The following GFRA1 variants were observed in gnomAD, a reference collection of about 807,000 sequenced individuals.
GFRA1 encodes GDNF family receptor alpha-1.
Under a neutral mutation model 51.6 loss-of-function variants are expected in GFRA1, and 16 were observed. The observed-to-expected ratio is 0.31, with a 90% CI of 0.21 to 0.47. GFRA1 has a LOEUF of 0.47. Among genes scored for constraint, GFRA1 ranks in the 20% least tolerant of loss-of-function variants. The pLI is 1.00. For missense variants in GFRA1, 530 were observed against 594.3 expected, an observed-to-expected ratio of 0.89 and a Z score of 1.13; for synonymous variants, 270 against 241.3, an observed-to-expected ratio of 1.12 and a Z score of -1.10.
In GFRA1 at chr10:116,128,816, C is replaced by T. The variant is rs74158593; in HGVS notation, c.434-3259G>A. ...TTTAAAGTTGTTAAAACTACATATG[C>T]TGTTAAGGTTTTCCTCTTAATGTTA... is the stretch of plus-strand genomic sequence containing the variant. On this transcript the variant is annotated intron_variant, in intron 5 of 10. Transcript: ENST00000355422. Among the ~76,000 whole-genome samples the T allele has an allele frequency of 1.7e-3, 249 of 150,614 alleles. 1 individual carries two copies. Among genetic ancestry groups the T allele is most frequent in the African/African-American group, 5.4e-3 (221 of 40,904 alleles).
chr10:116,072,552 G>A (rs1955447176), intron 9 of GFRA1, among the ~76,000 whole-genome samples: 2 of 152,116 alleles, frequency 1.3e-5, no homozygotes, highest in Admixed American at 6.5e-5. Flanking sequence ...ATGAGGTCAG[G>A]AGTTCGAGAC....
At chr10:116,230,634 T>C (rs1966618594) in intron 4 of GFRA1, among the ~76,000 whole-genome samples, 1 of 151,978 alleles carries the variant, frequency 6.6e-6, no homozygotes, top group Non-Finnish European at 1.5e-5. Flanking sequence ...AAAGTATTTA[T>C]TGAGCAACTG....
chr10:116,206,380 G>T (rs956362983), intron 5 of GFRA1, among the ~76,000 whole-genome samples: 1 of 152,102 alleles, frequency 6.6e-6, no homozygotes, highest in Non-Finnish European at 1.5e-5. Flanking sequence ...CCATAAGTTT[G>T]AAATACGCAA....
chr10:116,126,811 G>A (rs933201090), intron 5 of GFRA1, among the ~76,000 whole-genome samples: 1 of 152,342 alleles, frequency 6.6e-6, no homozygotes, highest in Admixed American at 6.5e-5. Context: ...AAAGGCTAAA[G>A]AAGTGACAAG....
chr10:116,258,951 T>C (rs1394595589), intron 4 of GFRA1, among the ~76,000 whole-genome samples: 1 of 152,206 alleles, frequency 6.6e-6, no homozygotes, highest in African/African-American at 2.4e-5. Flanking sequence ...AAATGCCACT[T>C]GCCATTCCCA....
At chr10:116,169,995 C>T (rs549104089) in intron 5 of GFRA1, among the ~76,000 whole-genome samples, 50 of 152,242 alleles carry the variant, frequency 3.3e-4, no homozygotes, top group African/African-American at 8.9e-4. Context: ...CAAAGGCACT[C>T]GCCCCAGCTC....
intron 6 of GFRA1, among the ~76,000 whole-genome samples, chr10:116,106,451 G>T (rs1049063707): frequency 2.0e-5 from 3 of 152,170 alleles, no homozygotes; most frequent in African/African-American, 7.2e-5. Flanking sequence ...GATATAGTTC[G>T]GACGTGTGTC....
At chr10:116,206,230 A>G (rs868348798) in intron 5 of GFRA1, among the ~76,000 whole-genome samples, 3 of 152,112 alleles carry the variant, frequency 2.0e-5, no homozygotes, top group East Asian at 3.9e-4. Flanking sequence ...CAAATCCCAC[A>G]CTCATAAAGA....
chr10:116,203,912 C>T (rs1030040814), intron 5 of GFRA1, among the ~76,000 whole-genome samples: 1 of 152,224 alleles, frequency 6.6e-6, no homozygotes, highest in Non-Finnish European at 1.5e-5. Context: ...AGACACTATG[C>T]AATTGGCCTC....
intron 4 of GFRA1, among the ~76,000 whole-genome samples, chr10:116,221,384 G>A (rs117346025): frequency 0.013 from 1,936 of 152,190 alleles, 20 homozygotes; most frequent in Non-Finnish European, 0.019. Flanking sequence ...AATATGCCTC[G>A]TCCCTTCTAA....
At chr10:116,264,388 T>C (rs373349788) in intron 4 of GFRA1, among the ~76,000 whole-genome samples, 10 of 119,866 alleles carry the variant, frequency 8.3e-5, no homozygotes, top group African/African-American at 3.3e-4. Context: ...CCACTCGTGA[T>C]TGACAGAATG....
At chr10:116,113,950 A>AC (rs1271638709) in intron 6 of GFRA1, among the ~76,000 whole-genome samples, 1 of 152,082 alleles carries the variant, frequency 6.6e-6, no homozygotes, top group Non-Finnish European at 1.5e-5. Flanking sequence ...ACTCGTTCCT[A>AC]CAACCATGTC....
chr10:116,188,143 G>A (rs976585906), intron 5 of GFRA1, among the ~76,000 whole-genome samples: 5 of 152,110 alleles, frequency 3.3e-5, no homozygotes, highest in African/African-American at 1.2e-4. Flanking sequence ...GAGGGAAGCG[G>A]ACTTGTTCAG....
chr10:116,258,182 T>C (rs1969026603), intron 4 of GFRA1, among the ~76,000 whole-genome samples: 1 of 152,046 alleles, frequency 6.6e-6, no homozygotes, highest in Non-Finnish European at 1.5e-5. Flanking sequence ...TATTTACCTC[T>C]GAATCATCTG....
At chr10:116,241,757 T>G (rs1308801733) in intron 4 of GFRA1, among the ~76,000 whole-genome samples, 3 of 152,224 alleles carry the variant, frequency 2.0e-5, no homozygotes, top group African/African-American at 7.2e-5. Flanking sequence ...ATGGCTGGAC[T>G]ACTGATGTAT....
chr10:116,151,927 A>G (rs919820310), intron 5 of GFRA1, among the ~76,000 whole-genome samples: 1 of 152,190 alleles, frequency 6.6e-6, no homozygotes, highest in Non-Finnish European at 1.5e-5. Flanking sequence ...CACTTTAGGG[A>G]GAGTAATCAG....
At chr10:116,249,451 C>T (rs1968135344) in intron 4 of GFRA1, among the ~76,000 whole-genome samples, 1 of 152,136 alleles carries the variant, frequency 6.6e-6, no homozygotes, top group East Asian at 1.9e-4. Flanking sequence ...AGCAATTTGC[C>T]AGAATCCTGT....
intron 5 of GFRA1, among the ~76,000 whole-genome samples, chr10:116,181,689 G>A (rs1311058913): frequency 6.6e-6 from 1 of 151,996 alleles, no homozygotes; most frequent in Admixed American, 6.5e-5. Context: ...CCAGGCTGGA[G>A]TACGGTGGCA....
chr10:116,145,895 G>C (rs891955181), intron 5 of GFRA1, among the ~76,000 whole-genome samples: 4 of 152,078 alleles, frequency 2.6e-5, no homozygotes, highest in African/African-American at 9.7e-5. Flanking sequence ...AAGAGCTATA[G>C]TATATCAAGA....
Sources: allele counts gnomAD v4.1 joint callset (sites outside exome capture counted in the v4.1 genomes callset), GRCh38; gene constraint gnomAD v4.1.1; transcripts MANE v1.5; gene names NCBI Gene and HGNC (gene_info 2026-07-23, HGNC 2026-07-21).